PTPRM: variants seen among roughly 807,000 people sequenced by gnomAD.
PTPRM encodes receptor-type tyrosine-protein phosphatase mu.
PTPRM carries 47 observed loss-of-function variants against 186.7 expected under a neutral mutation model. That is an observed-to-expected ratio of 0.25 (90% CI 0.20 to 0.32). The LOEUF is 0.32. Among genes scored for constraint, PTPRM ranks in the 10% least tolerant of loss-of-function variants. The pLI, the probability that PTPRM is intolerant of heterozygous loss-of-function variation, is 1.00. For synonymous variants in PTPRM, 668 were observed against 674.9 expected (o/e 0.99, Z 0.16); for missense variants, 1,494 against 1,865.0 (o/e 0.80, Z 3.66).
chr18:7,926,740 C>T (rs544401359), intron 5 of PTPRM, 57 bp downstream of exon 5: 3 of 1,301,108 alleles, frequency 2.3e-6, no homozygotes, highest in Non-Finnish European at 3.2e-6. Flanking sequence ...ATACACTCCC[C>T]CTGGAGGAGG....
At chr18:7,644,158 C>T (rs1396681440) in intron 1 of PTPRM, among the ~76,000 whole-genome samples, 3 of 152,082 alleles carry the variant, frequency 2.0e-5, no homozygotes, top group Admixed American at 6.5e-5. Context: ...GAGGTTTCTA[C>T]TTACAAAAGG....
intron 20 of PTPRM, among the ~76,000 whole-genome samples, chr18:8,307,149 C>G (rs1361856168): frequency 6.6e-6 from 1 of 152,190 alleles, no homozygotes; most frequent in African/African-American, 2.4e-5. Flanking sequence ...CATGGGGGAG[C>G]TGGAAGAGCC....
intron 7 of PTPRM, among the ~76,000 whole-genome samples, chr18:8,034,701 C>A (rs2148099575): frequency 6.6e-6 from 1 of 152,268 alleles, no homozygotes; most frequent in Middle Eastern, 3.4e-3. Context: ...CAAGGCTCTC[C>A]CCTAGGGATT....
intron 2 of PTPRM, among the ~76,000 whole-genome samples, chr18:7,882,112 CATT>C (rs1213798121): frequency 2.0e-5 from 3 of 152,152 alleles, no homozygotes; most frequent in Admixed American, 6.5e-5. Context: ...CTGGCCCACT[CATT>C]GTTTCTGGTC....
intron 32 of PTPRM, among the ~76,000 whole-genome samples, chr18:8,398,631 G>T (rs573706543): frequency 1.3e-5 from 2 of 151,988 alleles, no homozygotes; most frequent in Admixed American, 6.6e-5. Context: ...TTAGCCGGGC[G>T]TGGTGGCAGG....
chr18:8,169,026 A>T (rs2093360861), intron 14 of PTPRM, among the ~76,000 whole-genome samples: 1 of 152,300 alleles, frequency 6.6e-6, no homozygotes, highest in Admixed American at 6.5e-5. Flanking sequence ...TTCCTGTTTG[A>T]CTTTGGAATT....
Position 7,966,552 on chromosome 18 carries a change from A to C in PTPRM, c.1132+11138A>C, listed in dbSNP as rs896139081. On this transcript the variant is annotated intron_variant, in intron 7 of 32. Coordinates refer to ENST00000580170, the MANE Select transcript of PTPRM (RefSeq NM_001105244.2). Reference sequence around the variant, plus strand: ...CATTTCCATCTGAGGTACCGGGTTCATCTCACTAGGGAGTGCCAGACAGTG... The same window carrying C: ...CATTTCCATCTGAGGTACCGGGTTCCTCTCACTAGGGAGTGCCAGACAGTG... 4.8e-3 allele frequency among the ~76,000 whole-genome samples: 717 copies of C among 149,936 alleles called. 7 individuals carry two copies. The highest frequency in any genetic ancestry group is 0.017 in the African/African-American group (681 of 40,872).
intron 7 of PTPRM, among the ~76,000 whole-genome samples, chr18:8,038,743 A>C (rs979942228): frequency 2.6e-5 from 4 of 152,082 alleles, no homozygotes; most frequent in African/African-American, 9.7e-5. Flanking sequence ...TCTTATAGTC[A>C]CAGTGTTCAT....
chr18:8,151,190 G>T (rs2092997939), intron 14 of PTPRM, among the ~76,000 whole-genome samples: 1 of 152,138 alleles, frequency 6.6e-6, no homozygotes, highest in African/African-American at 2.4e-5. Context: ...CTTCAGAGCT[G>T]CCAGGTAGGG....
At chr18:7,742,298 G>C (rs2040899090) in intron 1 of PTPRM, among the ~76,000 whole-genome samples, 1 of 152,154 alleles carries the variant, frequency 6.6e-6, no homozygotes, top group Non-Finnish European at 1.5e-5. Flanking sequence ...CAGAATTTTG[G>C]ATGAATGGAT....
At chr18:7,681,515 G>T (rs1000237147) in intron 1 of PTPRM, among the ~76,000 whole-genome samples, 3 of 151,568 alleles carry the variant, frequency 2.0e-5, no homozygotes, top group Non-Finnish European at 2.9e-5. Flanking sequence ...GCATCAGTTC[G>T]TTGATGTGTA....
chr18:7,860,176 G>A (rs570114840), intron 2 of PTPRM, among the ~76,000 whole-genome samples: 168 of 151,992 alleles, frequency 1.1e-3, no homozygotes, highest in Admixed American at 3.7e-3. Context: ...AGGTTCAGGC[G>A]ATTCTCCTGT....
At chr18:7,834,919 T>G (rs922998993) in intron 2 of PTPRM, among the ~76,000 whole-genome samples, 1 of 151,460 alleles carries the variant, frequency 6.6e-6, no homozygotes, top group Non-Finnish European at 1.5e-5. Flanking sequence ...TAATAGCCAC[T>G]AATGGTTTTT....
At chr18:8,220,664 A>G (rs558071102) in intron 14 of PTPRM, among the ~76,000 whole-genome samples, 1 of 152,316 alleles carries the variant, frequency 6.6e-6, no homozygotes, top group African/African-American at 2.4e-5. Context: ...CTTTGAGAAA[A>G]AGAGCCAAGA....
At chr18:8,039,283 C>T (rs2086542050) in intron 7 of PTPRM, among the ~76,000 whole-genome samples, 2 of 151,972 alleles carry the variant, frequency 1.3e-5, no homozygotes, top group Admixed American at 6.6e-5. Context: ...CTCTCCTCAA[C>T]AATATAATAC....
chr18:7,898,108 G>T (rs183713964), intron 3 of PTPRM, among the ~76,000 whole-genome samples: 1 of 152,140 alleles, frequency 6.6e-6, no homozygotes, highest in East Asian at 1.9e-4. Context: ...CATGTTTTGT[G>T]GTTTTGCCTG....
intron 7 of PTPRM, among the ~76,000 whole-genome samples, chr18:7,999,450 G>C (rs561259933): frequency 6.6e-6 from 1 of 152,086 alleles, no homozygotes; most frequent in African/African-American, 2.4e-5. Context: ...TAGGTGATTG[G>C]GGTGAGTCCT....
intron 13 of PTPRM, among the ~76,000 whole-genome samples, chr18:8,140,670 G>T (rs1431150533): frequency 6.6e-6 from 1 of 152,008 alleles, no homozygotes; most frequent in African/African-American, 2.4e-5. Context: ...CCAGTGCAAT[G>T]AATACGATAC....
chr18:7,730,374 C>T (rs2040633767), intron 1 of PTPRM, among the ~76,000 whole-genome samples: 2 of 152,114 alleles, frequency 1.3e-5, no homozygotes, highest in African/African-American at 4.8e-5. Flanking sequence ...TCTTCCTTTA[C>T]TTTTAGAGTT....
Sources: gnomAD v4.1 joint callset for allele counts (sites outside exome capture counted in the v4.1 genomes callset) on GRCh38, gnomAD v4.1.1 for gene constraint, MANE v1.5 for transcripts, NCBI Gene and HGNC (gene_info 2026-07-23, HGNC 2026-07-21) for gene names.